The following AFG2A variants were observed in gnomAD, a reference collection of about 807,000 sequenced individuals.
AFG2A encodes AAA ATPase AFG2A.
chr4:123,124,370 C>G, the AFG2A span, among the ~76,000 whole-genome samples: 1 of 152,154 alleles, frequency 6.6e-6, no homozygotes, highest in Non-Finnish European at 1.5e-5. Flanking sequence ...CCAACATTCT[C>G]AGCAAGCTAT....
At chr4:123,206,764 C>CT in the AFG2A span, among the ~76,000 whole-genome samples, 2 of 151,930 alleles carry the variant, frequency 1.3e-5, no homozygotes, top group Middle Eastern at 3.2e-3. Context: ...TTTATAAATT[C>CT]TTTTTTTTCT....
At chr4:123,290,358 T>G in the AFG2A span, among the ~76,000 whole-genome samples, 2 of 152,218 alleles carry the variant, frequency 1.3e-5, no homozygotes, top group Non-Finnish European at 2.9e-5. Flanking sequence ...TGATCCATCT[T>G]GAGTTCTTTT....
the AFG2A span, among the ~76,000 whole-genome samples, chr4:122,968,108 G>C: frequency 6.6e-6 from 1 of 151,970 alleles, no homozygotes. Context: ...TTGAGTTAGT[G>C]TGGTACCTTT....
the AFG2A span, chr4:123,316,803 G>T: frequency 1.3e-5 from 2 of 152,292 alleles, no homozygotes; most frequent in African/African-American, 4.8e-5. Flanking sequence ...TAATGCTCAA[G>T]CTCTATAATA....
the AFG2A span, among the ~76,000 whole-genome samples, chr4:123,178,111 T>C: frequency 6.6e-6 from 1 of 152,244 alleles, no homozygotes; most frequent in East Asian, 1.9e-4. Context: ...GCTTTGAAAA[T>C]GCTGAGTTTT....
chr4:123,248,333 A>G, the AFG2A span, among the ~76,000 whole-genome samples: 1 of 152,192 alleles, frequency 6.6e-6, no homozygotes, highest in African/African-American at 2.4e-5. Flanking sequence ...ATTAGTCTCT[A>G]AAGTCATTCT....
At chr4:123,044,680 A>T in the AFG2A span, among the ~76,000 whole-genome samples, 1 of 152,152 alleles carries the variant, frequency 6.6e-6, no homozygotes, top group Non-Finnish European at 1.5e-5. Context: ...TTAAAATAAT[A>T]CATCTTTTAC....
At chr4:123,260,928 G>A in the AFG2A span, among the ~76,000 whole-genome samples, 3 of 152,212 alleles carry the variant, frequency 2.0e-5, no homozygotes, top group Non-Finnish European at 4.4e-5. Context: ...GCAGACAAGT[G>A]AGCATTACTG....
chr4:123,274,318 A>G, the AFG2A span, among the ~76,000 whole-genome samples: 1 of 152,164 alleles, frequency 6.6e-6, no homozygotes, highest in Admixed American at 6.5e-5. Context: ...TGAATGAAAG[A>G]CCGAATGCAT....
the AFG2A span, among the ~76,000 whole-genome samples, chr4:123,131,463 GA>G: frequency 6.6e-6 from 1 of 151,902 alleles, no homozygotes; most frequent in Non-Finnish European, 1.5e-5. Context: ...TTTCATCATG[GA>G]AAACAGAAAA....
chr4:123,274,612 A>G, the AFG2A span, among the ~76,000 whole-genome samples: 4 of 151,546 alleles, frequency 2.6e-5, no homozygotes, highest in South Asian at 8.3e-4. Context: ...AAAAAAACCT[A>G]TCATATCCTG....
At chr4:122,929,040 G>A in the AFG2A span, 1 of 1,612,864 alleles carries the variant, frequency 6.2e-7, no homozygotes, top group Non-Finnish European at 8.5e-7. Flanking sequence ...TGTCTGGCAG[G>A]TGTATACAGC....
chr4:123,052,382 C>T, the AFG2A span, among the ~76,000 whole-genome samples: 3 of 152,168 alleles, frequency 2.0e-5, no homozygotes, highest in South Asian at 2.1e-4. Flanking sequence ...ATTGAGCTCT[C>T]TTAAAACAGG....
chr4:123,121,257 AAAAT>A, the AFG2A span, among the ~76,000 whole-genome samples: 5 of 80,898 alleles, frequency 6.2e-5, no homozygotes, highest in South Asian at 4.0e-4. Flanking sequence ...GTAAAAAAAA[AAAAT>A]AATAAATAAA....
chr4:123,033,356 T>A, the AFG2A span, among the ~76,000 whole-genome samples: 11 of 152,154 alleles, frequency 7.2e-5, no homozygotes, highest in Non-Finnish European at 1.5e-4. Context: ...TTGTTTTTTT[T>A]AAAAAAATAG....
the AFG2A span, among the ~76,000 whole-genome samples, chr4:123,164,143 T>G: frequency 1.3e-5 from 2 of 152,208 alleles, no homozygotes; most frequent in Non-Finnish European, 2.9e-5. Context: ...AGAGCTATAC[T>G]TCAAGTCACC....
the AFG2A span, among the ~76,000 whole-genome samples, chr4:123,158,398 G>A: frequency 6.6e-6 from 1 of 152,104 alleles, no homozygotes; most frequent in Non-Finnish European, 1.5e-5. Flanking sequence ...ATGGGTGAAA[G>A]GACACTTACA....
the AFG2A span, among the ~76,000 whole-genome samples, chr4:123,002,344 A>G: frequency 2.6e-5 from 4 of 152,212 alleles, no homozygotes; most frequent in Non-Finnish European, 4.4e-5. Context: ...TGATCCTGTC[A>G]TTATGATGTT....
At chr4:123,196,921 A>C in the AFG2A span, among the ~76,000 whole-genome samples, 11 of 152,166 alleles carry the variant, frequency 7.2e-5, no homozygotes, top group Non-Finnish European at 1.3e-4. Context: ...AAAGATTATT[A>C]ATAATCTTAC....
Sources: allele counts gnomAD v4.1 joint callset (sites outside exome capture counted in the v4.1 genomes callset), GRCh38; gene constraint gnomAD v4.1.1; transcripts MANE v1.5; gene names NCBI Gene and HGNC (gene_info 2026-07-23, HGNC 2026-07-21).